PBX1: variants seen among roughly 807,000 people sequenced by gnomAD.
PBX1 encodes PBX homeobox 1, also known as pre-B-cell leukemia transcription factor 1.
Under a neutral mutation model 53.4 loss-of-function variants are expected in PBX1, and 6 were observed. That is an observed-to-expected ratio of 0.11 (90% CI 0.06 to 0.22). The LOEUF (loss-of-function observed/expected upper bound fraction) is 0.22, where lower values mean the gene tolerates loss of function less well. Ranked by LOEUF, PBX1 falls within the 10% of genes least tolerant of loss-of-function variation. The pLI, the probability that PBX1 is intolerant of heterozygous loss-of-function variation, is 1.00. For missense variants in PBX1, 251 were observed against 551.4 expected (o/e 0.46, Z 5.46); for synonymous variants, 204 against 212.3 (o/e 0.96, Z 0.34).
At chr1:164,693,282 T>A (rs1466068026) in intron 2 of PBX1, among the ~76,000 whole-genome samples, 2 of 152,220 alleles carry the variant, frequency 1.3e-5, no homozygotes. Flanking sequence ...CTTTGCCTGG[T>A]TTTCAGGGTG....
intron 2 of PBX1, among the ~76,000 whole-genome samples, chr1:164,610,593 G>A (rs73018911): frequency 0.046 from 6,995 of 152,058 alleles, 494 homozygotes; most frequent in African/African-American, 0.15. Context: ...ATAATTTGGT[G>A]GAAACAAACA....
At position 164,580,643 on chromosome 1, in the gene PBX1, C is replaced by G. The variant is rs561831799; in HGVS notation, c.265+17332C>G. On this transcript the variant is annotated intron_variant, in intron 2 of 8. Coordinates refer to ENST00000420696, the MANE Select transcript of PBX1 (RefSeq NM_002585.4). ...CCAGGCTAGAGTGCAATGATGCAAT[C>G]TTGGCTTACTGCAACCTCTGTCTCC... Among the ~76,000 whole-genome samples, 5 of 152,174 alleles carry G rather than the reference C, an allele frequency of 3.3e-5. No homozygotes were observed. In the East Asian group the frequency reaches 7.8e-4, roughly 24 times the overall value.
intron 2 of PBX1, among the ~76,000 whole-genome samples, chr1:164,649,230 T>C (rs759492150): frequency 7.2e-5 from 11 of 152,140 alleles, no homozygotes; most frequent in Non-Finnish European, 1.6e-4. Context: ...TATTCTATAA[T>C]CATATTTTCT....
At chr1:164,818,397 T>G (rs1669978751) in intron 6 of PBX1, 1 of 152,200 alleles carries the variant, frequency 6.6e-6, no homozygotes, top group Non-Finnish European at 1.5e-5. Flanking sequence ...TCCTTTCAGA[T>G]AAGCTAAACA....
At chr1:164,725,394 G>C (rs552955821) in intron 2 of PBX1, among the ~76,000 whole-genome samples, 1 of 152,150 alleles carries the variant, frequency 6.6e-6, no homozygotes, top group Admixed American at 6.5e-5. Flanking sequence ...CTAGGAGGAA[G>C]TTGTACCAGT....
chr1:164,687,204 C>CA (rs1662156949), intron 2 of PBX1, among the ~76,000 whole-genome samples: 1 of 152,034 alleles, frequency 6.6e-6, no homozygotes, highest in African/African-American at 2.4e-5. Context: ...GAGGCTGGAA[C>CA]AAAAAGGGGT....
At chr1:164,783,387 G>A (rs1037426131) in intron 2 of PBX1, among the ~76,000 whole-genome samples, 5 of 151,520 alleles carry the variant, frequency 3.3e-5, no homozygotes, top group African/African-American at 4.9e-5. Flanking sequence ...GGGGGTGGGG[G>A]GTGTCTGTGT....
chr1:164,839,196 C>T (rs187978796), intron 8 of PBX1, among the ~76,000 whole-genome samples: 2 of 152,252 alleles, frequency 1.3e-5, no homozygotes, highest in East Asian at 1.9e-4. Context: ...GTACTGTCTC[C>T]TAGCACTTAT....
intron 2 of PBX1, among the ~76,000 whole-genome samples, chr1:164,589,275 A>T (rs10918048): frequency 0.17 from 25,434 of 151,812 alleles, 2,551 homozygotes; most frequent in African/African-American, 0.28. Flanking sequence ...AGGCACACAC[A>T]CAGCATTCCC....
intron 2 of PBX1, chr1:164,563,816 A>G (rs1231148350): frequency 4.6e-5 from 7 of 152,872 alleles, no homozygotes; most frequent in African/African-American, 1.4e-4. Context: ...GCTATACAAC[A>G]TTAGGTTATC....
At chr1:164,706,704 AT>A (rs1489843022) in intron 2 of PBX1, among the ~76,000 whole-genome samples, 1 of 152,134 alleles carries the variant, frequency 6.6e-6, no homozygotes, top group Non-Finnish European at 1.5e-5. Context: ...ACAGTCTCTA[AT>A]TTAAGTAACA....
At chr1:164,660,405 A>G (rs1660417435) in intron 2 of PBX1, among the ~76,000 whole-genome samples, 1 of 152,202 alleles carries the variant, frequency 6.6e-6, no homozygotes, top group African/African-American at 2.4e-5. Flanking sequence ...CTGACATGGC[A>G]GTGCTGAGAC....
At chr1:164,686,544 G>A (rs866897657) in intron 2 of PBX1, among the ~76,000 whole-genome samples, 17 of 152,148 alleles carry the variant, frequency 1.1e-4, no homozygotes, top group South Asian at 6.2e-4. Flanking sequence ...TAAGGTATCA[G>A]AAGGTAGAAA....
At chr1:164,709,733 A>G (rs577499002) in intron 2 of PBX1, among the ~76,000 whole-genome samples, 141 of 152,194 alleles carry the variant, frequency 9.3e-4, no homozygotes, top group Non-Finnish European at 1.8e-3. Context: ...TAAAACAAAA[A>G]TGTGCCTCAG....
intron 2 of PBX1, among the ~76,000 whole-genome samples, chr1:164,864,580 T>C (rs1276451427): frequency 6.6e-6 from 1 of 152,144 alleles, no homozygotes; most frequent in Non-Finnish European, 1.5e-5. Flanking sequence ...CCTATAAACT[T>C]CAGGGATGGC....
At chr1:164,790,461 G>A (rs6674963) in intron 2 of PBX1, among the ~76,000 whole-genome samples, 2,083 of 152,024 alleles carry the variant, frequency 0.014, 55 homozygotes, top group African/African-American at 0.048. Context: ...AGATCATGAC[G>A]TGGTAGTGTT....
intron 2 of PBX1, among the ~76,000 whole-genome samples, chr1:164,735,376 C>G (rs1193534496): frequency 6.6e-6 from 1 of 152,076 alleles, no homozygotes; most frequent in Non-Finnish European, 1.5e-5. Context: ...TTGGTCTGTG[C>G]CTACATGTAT....
intron 6 of PBX1, chr1:164,815,681 G>A (rs1256423683): frequency 6.6e-6 from 1 of 152,174 alleles, no homozygotes; most frequent in Admixed American, 6.5e-5. Context: ...GTGAAGTGGG[G>A]AAGAGCCCCT....
intron 2 of PBX1, among the ~76,000 whole-genome samples, chr1:164,862,913 G>T (rs1194761777): frequency 6.6e-6 from 1 of 152,180 alleles, no homozygotes; most frequent in East Asian, 1.9e-4. Context: ...TTGATGCAAA[G>T]CTGTCTCTCT....
Sources: allele counts gnomAD v4.1 joint callset (sites outside exome capture counted in the v4.1 genomes callset), GRCh38; gene constraint gnomAD v4.1.1; transcripts MANE v1.5; gene names NCBI Gene and HGNC (gene_info 2026-07-23, HGNC 2026-07-21).